Variants in AP2B1 observed in about 807,000 individuals in gnomAD.
AP2B1 encodes the protein AP-2 complex subunit beta.
AP2B1 carries 23 observed loss-of-function variants against 102.0 expected under a neutral mutation model. The observed-to-expected ratio is 0.23, with a 90% CI of 0.16 to 0.32. The LOEUF (loss-of-function observed/expected upper bound fraction) is 0.32, where lower values mean the gene tolerates loss of function less well. AP2B1 is among the 10% of genes least tolerant of loss of function. The pLI is 1.00. For synonymous variants in AP2B1, 381 were observed against 421.2 expected, an observed-to-expected ratio of 0.90 and a Z score of 1.17; for missense variants, 541 against 1,157.4, an observed-to-expected ratio of 0.47 and a Z score of 7.73.
intron 5 of AP2B1, among the ~76,000 whole-genome samples, chr17:35,616,422 CCTCCCAAAGTGCT>C (rs1449065335): frequency 6.6e-6 from 1 of 152,080 alleles, no homozygotes; most frequent in Non-Finnish European, 1.5e-5. Context: ...CCCGCCTCGG[CCTCCCAAAGTGCT>C]GGGATTACAG....
At chr17:35,659,601 T>G (rs181103988) in intron 14 of AP2B1, among the ~76,000 whole-genome samples, 1 of 152,196 alleles carries the variant, frequency 6.6e-6, no homozygotes, top group African/African-American at 2.4e-5. Context: ...TCCTTTTTTT[T>G]TATATAAGGG....
Position 35,608,306 on chromosome 17 carries a change from C to G in AP2B1, c.444C>G (p.Leu148=), listed in dbSNP as rs759782415. 6.2e-7 allele frequency: 1 copy of G among 1,614,176 alleles called. No individual in the cohort carries two copies. Among genetic ancestry groups the G allele is most frequent in the African/African-American group, 1.3e-5 (1 of 75,036 alleles). ...RKTAAVCVAK[L]HDINAQMVED... Reference sequence around the variant, plus strand: ...CAGCAGCAGTCTGCGTGGCAAAACTCCATGATATCAATGCCCAAATGGTGG... The same window carrying G: ...CAGCAGCAGTCTGCGTGGCAAAACTGCATGATATCAATGCCCAAATGGTGG... Residue 148 remains leucine, a synonymous_variant, in exon 5 of 22, where the codon CTC becomes CTG. Transcript: ENST00000610402.
chr17:35,685,109 A>G (rs753779321), intron 18 of AP2B1, among the ~76,000 whole-genome samples: 3 of 152,192 alleles, frequency 2.0e-5, no homozygotes, highest in Non-Finnish European at 2.9e-5. Flanking sequence ...TTTTCCATCT[A>G]TAGTTAACTA....
At chr17:35,596,675 C>G (rs1285497003) in intron 2 of AP2B1, among the ~76,000 whole-genome samples, 1 of 152,180 alleles carries the variant, frequency 6.6e-6, no homozygotes, top group Non-Finnish European at 1.5e-5. Flanking sequence ...CCCCGTCGCC[C>G]TCGAGCACCA....
rs140658541 is a variant in AP2B1 at position 35,600,878 on chromosome 17, G to A, written c.143+2543G>A. ...GTGAGGGCTGCTTCCCTAACCAGAC[G>A]GGGAGCCCAGATAGAAATGGCAGCG... On this transcript the variant is annotated intron_variant, in intron 3 of 21. Coordinates refer to ENST00000610402, the MANE Select transcript of AP2B1 (RefSeq NM_001030006.2). 5.2e-5 allele frequency: 21 copies of A among 406,004 alleles called. No individual in the cohort carries two copies. In the East Asian group the frequency reaches 2.4e-3, roughly 46 times the overall value. 25.2% of individuals were successfully genotyped at this position (406,004 alleles called of 1,614,324 possible).
chr17:35,614,519 G>C (rs762807948), intron 5 of AP2B1, among the ~76,000 whole-genome samples: 4 of 151,918 alleles, frequency 2.6e-5, no homozygotes, highest in Non-Finnish European at 5.9e-5. Context: ...TTCAGTCCTC[G>C]TAAGTCCCTT....
chr17:35,717,414 A>G, intron 21 of AP2B1, 65 bp downstream of exon 21: 1 of 1,574,738 alleles, frequency 6.4e-7, no homozygotes, highest in Non-Finnish European at 8.7e-7. Context: ...TTTCATGTTT[A>G]CTTAGCACCC....
At chr17:35,593,957 C>G in intron 1 of AP2B1, 51 bp from the exon 2 acceptor site, 1 of 971,482 alleles carries the variant, frequency 1.0e-6, no homozygotes, top group South Asian at 2.0e-5. Context: ...AATTGGATGC[C>G]TTGTTGGATA....
At chr17:35,675,617 A>AGG (rs2075682174) in intron 17 of AP2B1, among the ~76,000 whole-genome samples, 1 of 145,374 alleles carries the variant, frequency 6.9e-6, no homozygotes, top group South Asian at 2.1e-4. Flanking sequence ...ATTCATCTCT[A>AGG]GCCTTTTTTT....
chr17:35,685,434 T>A (rs1270034682), intron 18 of AP2B1, among the ~76,000 whole-genome samples: 1 of 152,174 alleles, frequency 6.6e-6, no homozygotes, highest in East Asian at 1.9e-4. Context: ...TAAAGCCAGG[T>A]AAAGATTGAT....
chr17:35,591,795 T>C (rs538717790), intron 1 of AP2B1, among the ~76,000 whole-genome samples: 76 of 152,382 alleles, frequency 5.0e-4, no homozygotes, highest in Non-Finnish European at 1.0e-3. Flanking sequence ...TAAATGATTA[T>C]AACATTCTTT....
chr17:35,701,725 C>T (rs1016810273), intron 18 of AP2B1, among the ~76,000 whole-genome samples: 5 of 152,204 alleles, frequency 3.3e-5, no homozygotes, highest in African/African-American at 1.2e-4. Context: ...CTCTTATCCT[C>T]GTGCTTCAGC....
At chr17:35,680,342 A>T (rs1249898181) in intron 17 of AP2B1, among the ~76,000 whole-genome samples, 1 of 152,050 alleles carries the variant, frequency 6.6e-6, no homozygotes, top group South Asian at 2.1e-4. Context: ...TTTCTGCTTC[A>T]TCTTTATAAA....
intron 5 of AP2B1, among the ~76,000 whole-genome samples, chr17:35,614,596 G>C (rs1598044084): frequency 7.4e-6 from 1 of 135,798 alleles, no homozygotes; most frequent in South Asian, 2.3e-4. Flanking sequence ...AGCTGCCCAT[G>C]AGAATACCTG....
chr17:35,664,275 A>G (rs2075415838), intron 14 of AP2B1, among the ~76,000 whole-genome samples: 1 of 152,128 alleles, frequency 6.6e-6, no homozygotes, highest in South Asian at 2.1e-4. Context: ...TTTTTTTGAG[A>G]CAAGGTCTCG....
intron 7 of AP2B1, among the ~76,000 whole-genome samples, chr17:35,627,057 T>G (rs2074333451): frequency 6.6e-6 from 1 of 152,130 alleles, no homozygotes; most frequent in South Asian, 2.1e-4. Flanking sequence ...CAATCCAGTT[T>G]GTTTTCTGAA....
At chr17:35,620,746 G>A (rs2074151976) in intron 5 of AP2B1, among the ~76,000 whole-genome samples, 1 of 152,280 alleles carries the variant, frequency 6.6e-6, no homozygotes, top group Non-Finnish European at 1.5e-5. Flanking sequence ...GAGTCCAGGA[G>A]TTTGAGATTA....
At chr17:35,716,619 A>G (rs1312595151) in intron 20 of AP2B1, among the ~76,000 whole-genome samples, 2 of 152,140 alleles carry the variant, frequency 1.3e-5, no homozygotes, top group African/African-American at 4.8e-5. Flanking sequence ...GAAAAAAAAA[A>G]AATCTTAAAC....
intron 13 of AP2B1, among the ~76,000 whole-genome samples, chr17:35,652,611 CT>C (rs2075115129): frequency 1.3e-5 from 2 of 152,134 alleles, no homozygotes; most frequent in Non-Finnish European, 2.9e-5. Context: ...AGTTATTTCC[CT>C]TAAAATTGGA....
Sources: gnomAD v4.1 joint callset for allele counts (sites outside exome capture counted in the v4.1 genomes callset) on GRCh38, gnomAD v4.1.1 for gene constraint, MANE v1.5 for transcripts, NCBI Gene and HGNC (gene_info 2026-07-23, HGNC 2026-07-21) for gene names.